Variants in CLDN19 observed in about 807,000 individuals in gnomAD.
CLDN19 encodes claudin 19.
In CLDN19, 19 loss-of-function variants were observed where a neutral mutation model predicts 24.5. That is an observed-to-expected ratio of 0.78 (90% CI 0.54 to 1.14). The LOEUF (loss-of-function observed/expected upper bound fraction) is 1.14. Ranked by LOEUF, CLDN19 falls within the 50% of genes most tolerant of loss-of-function variation. The pLI, the probability that CLDN19 is intolerant of heterozygous loss-of-function variation, is 0.00. For synonymous variants in CLDN19, 117 were observed against 129.6 expected, an observed-to-expected ratio of 0.90 and a Z score of 0.66; for missense variants, 250 against 295.9, an observed-to-expected ratio of 0.84 and a Z score of 1.14.
At chr1:42,739,757 GATA>G in intron 1 of CLDN19, 81 bp downstream of exon 1, 1 of 1,143,534 alleles carries the variant, frequency 8.7e-7, no homozygotes, top group East Asian at 2.5e-5. Context: ...GCCCAGCGCA[GATA>G]GCAGACTGTG....
At chr1:42,736,155 T>A in intron 3 of CLDN19, 125 bp from the exon 4 acceptor site, 1 of 637,508 alleles carries the variant, frequency 1.6e-6, no homozygotes, top group African/African-American at 1.8e-5. Context: ...ACCTCTTCCA[T>A]ATCTCCAGAT....
At chr1:42,737,502 G>T (rs1025024865) in intron 3 of CLDN19, among the ~76,000 whole-genome samples, 2 of 152,248 alleles carry the variant, frequency 1.3e-5, no homozygotes, top group Non-Finnish European at 2.9e-5. Flanking sequence ...GCTCAGGCTT[G>T]CTGGGTACTG....
chr1:42,738,147 C>T (rs774920385), intron 3 of CLDN19, 82 bp downstream of exon 3: 9 of 1,188,678 alleles, frequency 7.6e-6, no homozygotes, highest in African/African-American at 1.5e-5. Context: ...CCTGTCCCCA[C>T]TTCCCCCGCC....
intron 1 of CLDN19, among the ~76,000 whole-genome samples, chr1:42,739,576 T>C (rs1467161522): frequency 6.6e-6 from 1 of 152,100 alleles, no homozygotes; most frequent in Non-Finnish European, 1.5e-5. Context: ...AACATCACAA[T>C]GGGAAGAGGT....
At chr1:42,737,550 T>A (rs1255392251) in intron 3 of CLDN19, among the ~76,000 whole-genome samples, 1 of 152,194 alleles carries the variant, frequency 6.6e-6, no homozygotes, top group Non-Finnish European at 1.5e-5. Context: ...CTCACCTGCA[T>A]CCTGCTGGAT....
In CLDN19 at chr1:42,739,854, C is replaced by T; in HGVS notation, c.210G>A (p.Leu70=). Residue 70 remains leucine, a synonymous_variant, in exon 1 of 5, where the codon CTG becomes CTA. Transcript: ENST00000296387. ...GQVQCKLYDS[L]LALDGHIQSA... ...CCTGGGGCCTACCGTCCAGGGCGAG[C>T]AGCGAGTCGTAGAGCTTGCACTGCA... 2.5e-6 allele frequency: 4 copies of T among 1,612,952 alleles called. No individual in the cohort carries two copies. Among genetic ancestry groups the T allele is most frequent in the Non-Finnish European group, 3.4e-6 (4 of 1,179,770 alleles).
chr1:42,735,003 G>T lies in CLDN19; in HGVS notation c.*83C>A. On this transcript the variant is annotated 3_prime_UTR_variant, in exon 5 of 5. Transcript: ENST00000296387. Reference sequence around the variant, plus strand: ...ACCGAATGATACCATGATTGGGGCTGGATGTTCACTTCTCTTTCCAAAAAA... The same window carrying T: ...ACCGAATGATACCATGATTGGGGCTTGATGTTCACTTCTCTTTCCAAAAAA... 9.0e-7 allele frequency: 1 copy of T among 1,110,454 alleles called. No homozygotes were observed. The highest frequency in any genetic ancestry group is 1.4e-6 in the Non-Finnish European group (1 of 735,566). 68.8% of individuals were successfully genotyped at this position (1,110,454 alleles called of 1,614,324 possible).
chr1:42,735,439 T>C (rs927592582), intron 4 of CLDN19: 4 of 1,417,296 alleles, frequency 2.8e-6, no homozygotes, highest in Admixed American at 2.9e-5. Context: ...GAGGAGCCCA[T>C]GGGACTGGGG....
chr1:42,736,004 A>G lies in CLDN19; in HGVS notation c.500T>C (p.Val167Ala). The change falls in exon 4 of 5, where the codon GTG (valine) becomes GCG (alanine). Residue 167 changes from valine to alanine, a missense_variant. Val to Ala is a moderately conservative substitution (Grantham distance 64). Transcript: ENST00000296387. ...ARYEFGPALF[V>A]GWASAGLAVL... ...GGCCAGGCCAGCTGAGGCCCAGCCC[A>G]CGAACAGGGCTGGGCCAAATTCATA... The G allele has an allele frequency of 6.3e-7, 1 of 1,576,314 alleles. No homozygotes were observed. The highest frequency in any genetic ancestry group is 8.6e-7 in the Non-Finnish European group (1 of 1,162,332).
At chr1:42,738,652 G>C (rs971472579) in intron 1 of CLDN19, 67 bp from the exon 2 acceptor site, 12 of 1,511,878 alleles carry the variant, frequency 7.9e-6, no homozygotes, top group Non-Finnish European at 9.9e-6. Flanking sequence ...GCCTGGGGTC[G>C]GTGGAAGGAG....
At chr1:42,739,174 T>C (rs1420178966) in intron 1 of CLDN19, among the ~76,000 whole-genome samples, 1 of 152,130 alleles carries the variant, frequency 6.6e-6, no homozygotes, top group African/African-American at 2.4e-5. Flanking sequence ...ACTGGCACAA[T>C]GGGGCTGGTT....
intron 1 of CLDN19, 111 bp downstream of exon 1, chr1:42,739,730 G>A (rs1162371451): frequency 6.8e-6 from 6 of 881,844 alleles, no homozygotes; most frequent in Admixed American, 2.0e-5. Flanking sequence ...ATTGTAGAGC[G>A]GAGGCTGGAG....
At chr1:42,738,818 C>T (rs1651458599) in intron 1 of CLDN19, among the ~76,000 whole-genome samples, 1 of 152,148 alleles carries the variant, frequency 6.6e-6, no homozygotes, top group Admixed American at 6.5e-5. Flanking sequence ...CTCGCCCTTG[C>T]AGGCTTTTCC....
At position 42,740,026 on chromosome 1, in the gene CLDN19, A is replaced by G. The variant is rs767519642; in HGVS notation, c.38T>C (p.Leu13Ser). The change falls in exon 1 of 5, where the codon TTG becomes TCG. Residue 13 changes from leucine to serine, a missense_variant. Leu to Ser is a moderately radical substitution (Grantham distance 145). Coordinates refer to ENST00000296387, the MANE Select transcript of CLDN19 (RefSeq NM_148960.3). ...GATGCCCACCCAGCCACCCAGGGCCAAGAAGTAGCCCAGGAGCTGGAGGCC... is the reference window on the plus strand; with the variant it reads ...GATGCCCACCCAGCCACCCAGGGCCGAGAAGTAGCCCAGGAGCTGGAGGCC... ...NSGLQLLGYFLALGGWVGIIA... is the reference protein window; with the variant it reads ...NSGLQLLGYFSALGGWVGIIA... The G allele has an allele frequency of 2.7e-5, 43 of 1,565,460 alleles. No individual in the cohort carries two copies. Among genetic ancestry groups the G allele is most frequent in the Non-Finnish European group, 3.7e-5 (43 of 1,154,686 alleles).
Position 42,739,928 on chromosome 1 carries a change from G to T in CLDN19, c.136C>A (p.Leu46Ile). ...AGDAIITAVG[L>I]YEGLWMSCAS... The stretch of plus-strand genomic sequence containing the variant: ...CAGGACATCCAGAGCCCTTCATAGA[G>T]GCCCACGGCAGTGATGATGGCGTCG... Residue 46 changes from leucine (L) to isoleucine (I), a missense_variant, in exon 1 of 5, where the codon CTC becomes ATC. By Grantham distance (5) the Leu-to-Ile change is conservative. Coordinates refer to ENST00000296387, the MANE Select transcript of CLDN19 (RefSeq NM_148960.3). The T allele has an allele frequency of 6.2e-7, 1 of 1,611,774 alleles. No homozygotes were observed. The highest frequency in any genetic ancestry group is 1.1e-5 in the South Asian group (1 of 90,588).
intron 3 of CLDN19, among the ~76,000 whole-genome samples, chr1:42,736,594 C>T (rs912694871): frequency 2.0e-5 from 3 of 152,232 alleles, no homozygotes; most frequent in Non-Finnish European, 4.4e-5. Context: ...GCCCACCACT[C>T]CTGTGCCTCC....
At position 42,738,355 on chromosome 1, in the gene CLDN19, C is replaced by G. The variant is rs751643208; in HGVS notation, c.389-42G>C. 5 of 1,613,496 alleles carry G rather than the reference C, an allele frequency of 3.1e-6. No homozygotes were observed. In the East Asian group the frequency reaches 1.1e-4, roughly 36 times the overall value. On this transcript the variant is annotated intron_variant, in intron 2 of 4. Coordinates refer to ENST00000296387, the MANE Select transcript of CLDN19 (RefSeq NM_148960.3). The stretch of plus-strand genomic sequence containing the variant: ...GGGGCGCTCAGCTCTGCTCTGGCCC[C>G]CCGAGGCCACTGGGGCTGGGGCTGC...
chr1:42,735,848 C>A (rs1038523634), intron 4 of CLDN19, 30 bp downstream of exon 4: 3 of 1,563,808 alleles, frequency 1.9e-6, no homozygotes, highest in South Asian at 1.2e-5. Context: ...GGGTGGGGGG[C>A]TGGCCAGGGC....
rs766832586 is a variant in CLDN19 at position 42,738,597 on chromosome 1, G to A, written c.224-12C>T. 5.6e-6 allele frequency: 9 copies of A among 1,611,960 alleles called. No individual in the cohort carries two copies. The highest frequency in any genetic ancestry group is 2.2e-5 in the South Asian group (2 of 90,960). ...TGATTGGATGTGACCTAGGGTGGGC[G>A]GGATGACACTGAGTCGGGCTGGCGG... On this transcript the variant is annotated splice_polypyrimidine_tract_variant and intron_variant, in intron 1 of 4. Coordinates refer to ENST00000296387, the MANE Select transcript of CLDN19 (RefSeq NM_148960.3).
Sources: allele counts gnomAD v4.1 joint callset (sites outside exome capture counted in the v4.1 genomes callset), GRCh38; gene constraint gnomAD v4.1.1; transcripts MANE v1.5; gene names NCBI Gene and HGNC (gene_info 2026-07-23, HGNC 2026-07-21).